Variants in ZSCAN5B observed in about 807,000 individuals in gnomAD.
ZSCAN5B encodes the protein zinc finger and SCAN domain-containing protein 5B.
A neutral mutation model predicts 25.2 loss-of-function variants in ZSCAN5B; 26 were observed. The ratio of observed to expected loss-of-function variants is 1.03; its 90% CI spans 0.76 to 1.43. The LOEUF (loss-of-function observed/expected upper bound fraction) is 1.43, where lower values mean the gene tolerates loss of function less well. ZSCAN5B is among the 40% of genes most tolerant of loss of function. ZSCAN5B has a pLI of 0.00. For missense variants in ZSCAN5B, 745 were observed against 622.1 expected (o/e 1.20, Z -2.10); for synonymous variants, 244 against 240.9 (o/e 1.01, Z -0.12).
intron 1 of ZSCAN5B, 92 bp downstream of exon 1, chr19:56,197,638 AAAAT>A (rs1397027222): frequency 6.3e-6 from 4 of 633,204 alleles, no homozygotes; most frequent in South Asian, 1.8e-4. Context: ...AGTCTCCGAG[AAAAT>A]AAATGCATGA....
chr19:56,193,861 C>T (rs1312986249), intron 1 of ZSCAN5B, among the ~76,000 whole-genome samples: 4 of 151,096 alleles, frequency 2.6e-5, no homozygotes, highest in Non-Finnish European at 5.9e-5. Context: ...ACTCGGGAGG[C>T]TGAGGCAGGA....
intron 1 of ZSCAN5B, among the ~76,000 whole-genome samples, chr19:56,196,752 G>A (rs1395221521): frequency 6.6e-6 from 1 of 152,140 alleles, no homozygotes; most frequent in Non-Finnish European, 1.5e-5. Flanking sequence ...GACACATCCA[G>A]CGGCCATCTC....
chr19:56,190,179 C>T lies in ZSCAN5B; in HGVS notation c.1136G>A (p.Gly379Glu). Residue 379 changes from glycine (G) to glutamate (E), a missense_variant, in exon 5 of 5, where the codon GGA becomes GAA. Physicochemically the swap from Gly to Glu is moderately conservative, Grantham distance 98. Transcript: ENST00000586855. ...GAGATCACATTGAAAGGGTCTGTCT[C>T]CTGTGTGTGACCTCCTGTGGATGCT... 2.5e-6 allele frequency: 4 copies of T among 1,614,010 alleles called. 1 individual carries two copies. The highest frequency in any genetic ancestry group is 2.2e-5 in the South Asian group (2 of 91,076).
chr19:56,191,115 A>G (rs1320690794), intron 3 of ZSCAN5B, 128 bp from the exon 4 acceptor site: 1 of 1,262,218 alleles, frequency 7.9e-7, no homozygotes, highest in Non-Finnish European at 1.1e-6. Context: ...AGTAAACATC[A>G]CCACCTCATT....
intron 1 of ZSCAN5B, 93 bp from the exon 2 acceptor site, chr19:56,193,272 T>A (rs2032765327): frequency 1.9e-6 from 1 of 532,482 alleles, no homozygotes; most frequent in African/African-American, 1.9e-5. Flanking sequence ...GGACCCCACT[T>A]GTCCATGGGC....
At chr19:56,190,352 T>G (rs956194253) in exon 5 of ZSCAN5B, 5 of 1,614,038 alleles carry the variant, frequency 3.1e-6, no homozygotes, top group African/African-American at 2.7e-5. Flanking sequence ...CTGGGGATTC[T>G]CTGTTGCCCA....
chr19:56,189,832 G>A lies in ZSCAN5B; in HGVS notation c.1483C>T (p.Gln495Ter), dbSNP rs1302476604. ...ATGTGGACCTGACTCTGGAATCACT[G>A]GGAGGTGGTTTCCCGGTGTGTTTTC... The change falls in exon 5 of 5, where the codon CAG becomes TAG. Residue 495 changes from glutamine (Q) to a stop codon, truncating the protein, a stop_gained. Coordinates refer to ENST00000586855, the Ensembl canonical transcript of ZSCAN5B. LOFTEE classifies it high-confidence loss of function. 6.2e-7 allele frequency: 1 copy of A among 1,606,034 alleles called. No individual in the cohort carries two copies. Among genetic ancestry groups the A allele is most frequent in the African/African-American group, 1.3e-5 (1 of 74,762 alleles).
Position 56,192,663 on chromosome 19 carries a change from A to G in ZSCAN5B, c.384+6T>C. The G allele has an allele frequency of 6.3e-7, 1 of 1,592,736 alleles. No homozygotes were observed. Among genetic ancestry groups the G allele is most frequent in the Non-Finnish European group, 8.6e-7 (1 of 1,167,518 alleles). On this transcript the variant is annotated splice_donor_region_variant and intron_variant, in intron 2 of 4. Transcript: ENST00000586855. ...TCCCTGCACCAATCACGAGGTTCCC[A>G]CTCACCCATTTCTTGGGTCTTCTGT...
At chr19:56,190,936 A>G (rs2032723643) in exon 4 of ZSCAN5B, 1 of 1,613,810 alleles carries the variant, frequency 6.2e-7, no homozygotes, top group Non-Finnish European at 8.5e-7. Context: ...GGTCTCGGAG[A>G]GTTTGGGTCA....
exon 5 of ZSCAN5B, chr19:56,190,108 G>C (rs370368173): frequency 6.2e-7 from 1 of 1,614,020 alleles, no homozygotes; most frequent in Non-Finnish European, 8.5e-7. Flanking sequence ...GTGTGGACTC[G>C]CTGGTGAACT....
At chr19:56,196,031 ATTATTT>A (rs2032805341) in intron 1 of ZSCAN5B, among the ~76,000 whole-genome samples, 1 of 151,826 alleles carries the variant, frequency 6.6e-6, no homozygotes, top group Admixed American at 6.6e-5. Flanking sequence ...CCTACTTAAA[ATTATTT>A]TTATTTTTAT....
exon 3 of ZSCAN5B, chr19:56,191,911 G>A (rs1033220481): frequency 6.2e-7 from 1 of 1,613,992 alleles, no homozygotes; most frequent in South Asian, 1.1e-5. Flanking sequence ...GGCCTGGCCT[G>A]TCCCCGGATG....
chr19:56,190,097 A>T, exon 5 of ZSCAN5B: 2 of 1,614,036 alleles, frequency 1.2e-6, no homozygotes, highest in Non-Finnish European at 1.7e-6. Context: ...GCCTCTCGCC[A>T]GTGTGGACTC....
At chr19:56,195,438 C>G (rs537965813) in intron 1 of ZSCAN5B, among the ~76,000 whole-genome samples, 2 of 151,946 alleles carry the variant, frequency 1.3e-5, no homozygotes, top group East Asian at 1.9e-4. Flanking sequence ...ACAAGGCACC[C>G]CTCACGCCTG....
At chr19:56,191,071 C>T (rs112013480) in intron 3 of ZSCAN5B, 84 bp from the exon 4 acceptor site, 45,723 of 1,581,938 alleles carry the variant, frequency 0.029, 760 homozygotes, top group African/African-American at 0.05. Context: ...TGACTGGACA[C>T]ACCAGACTTC....
Position 56,190,988 on chromosome 19 carries a change from C to T in ZSCAN5B, c.589-1G>A, listed in dbSNP as rs759701571. The T allele has an allele frequency of 3.1e-6, 5 of 1,613,906 alleles. No homozygotes were observed. The highest frequency in any genetic ancestry group is 3.4e-6 in the Non-Finnish European group (4 of 1,179,974). On this transcript the variant is annotated splice_acceptor_variant, in intron 3 of 4. Transcript: ENST00000586855. LOFTEE classifies it high-confidence loss of function. ...TCTTGTGTAGCAGAAAGTCCTCTCC[C>T]TGAAGAGGAAAAACCAAGAGCAATG...
intron 1 of ZSCAN5B, among the ~76,000 whole-genome samples, chr19:56,196,586 T>C (rs150234907): frequency 1.3e-5 from 2 of 152,184 alleles, no homozygotes; most frequent in East Asian, 3.9e-4. Flanking sequence ...ACCGGACATA[T>C]ACACCATTAT....
chr19:56,196,397 G>A (rs1355939806), intron 1 of ZSCAN5B, among the ~76,000 whole-genome samples: 1 of 152,040 alleles, frequency 6.6e-6, no homozygotes, highest in Non-Finnish European at 1.5e-5. Flanking sequence ...AGTTAAATAG[G>A]TCTACTGCAC....
chr19:56,190,263 G>A (rs1315208494), exon 5 of ZSCAN5B: 1 of 1,614,186 alleles, frequency 6.2e-7, no homozygotes, highest in Admixed American at 1.7e-5. Flanking sequence ...GGGCGGCAGG[G>A]CCTTGGCTTC....
Sources: allele counts gnomAD v4.1 joint callset (sites outside exome capture counted in the v4.1 genomes callset), GRCh38; gene constraint gnomAD v4.1.1; transcripts MANE v1.5; gene names NCBI Gene and HGNC (gene_info 2026-07-23, HGNC 2026-07-21).